The following CAV1 variants were observed in gnomAD, a reference collection of about 807,000 sequenced individuals.
The protein encoded by CAV1 is caveolin 1, also known as caveolin-1.
In CAV1, 10 loss-of-function variants were observed where a neutral mutation model predicts 16.5. The observed-to-expected ratio is 0.61, with a 90% CI of 0.37 to 1.03. The LOEUF (loss-of-function observed/expected upper bound fraction) is 1.03. Ranked by LOEUF, CAV1 falls within the 50% of genes least tolerant of loss-of-function variation. The probability of loss-of-function intolerance (pLI) is 0.01; values close to 1 mark genes in which losing one functional copy is unlikely to be tolerated. For synonymous variants in CAV1, 76 were observed against 85.1 expected (o/e 0.89, Z 0.59); for missense variants, 212 against 232.8 (o/e 0.91, Z 0.58).
intron 1 of CAV1, chr7:116,526,246 C>A: frequency 8.4e-7 from 1 of 1,189,090 alleles, no homozygotes; most frequent in Non-Finnish European, 1.1e-6. Context: ...CGCGGCGGGG[C>A]CTGCCCTGAC....
At chr7:116,549,271 C>T (rs888219705) in intron 2 of CAV1, among the ~76,000 whole-genome samples, 7 of 152,156 alleles carry the variant, frequency 4.6e-5, no homozygotes, top group African/African-American at 9.7e-5. Flanking sequence ...TATTCCAGTG[C>T]GTGTCCACCA....
chr7:116,533,559 T>C (rs906558970), intron 2 of CAV1, among the ~76,000 whole-genome samples: 5 of 152,250 alleles, frequency 3.3e-5, no homozygotes, highest in Non-Finnish European at 1.5e-5. Flanking sequence ...CTCAACCTCC[T>C]GGGCTCAAGC....
intron 2 of CAV1, among the ~76,000 whole-genome samples, chr7:116,545,456 C>T (rs532521969): frequency 1.3e-5 from 2 of 152,322 alleles, no homozygotes; most frequent in African/African-American, 4.8e-5. Context: ...TTTGCAAGAA[C>T]CCTAGTGTGT....
At chr7:116,532,993 G>A (rs1354774826) in intron 2 of CAV1, among the ~76,000 whole-genome samples, 2 of 152,118 alleles carry the variant, frequency 1.3e-5, no homozygotes, top group African/African-American at 2.4e-5. Context: ...AGTAGTCCAC[G>A]AGATTTGAGC....
At chr7:116,550,425 G>C (rs574246365) in intron 2 of CAV1, among the ~76,000 whole-genome samples, 11 of 152,276 alleles carry the variant, frequency 7.2e-5, no homozygotes, top group African/African-American at 2.4e-4. Context: ...GTCAACACAG[G>C]CATCTACAGT....
chr7:116,558,203 A>G (rs1794331102), intron 2 of CAV1, among the ~76,000 whole-genome samples: 1 of 152,188 alleles, frequency 6.6e-6, no homozygotes, highest in East Asian at 1.9e-4. Context: ...ACTGCCCCTT[A>G]ACATTGCATG....
intron 2 of CAV1, among the ~76,000 whole-genome samples, chr7:116,541,239 G>A (rs1379805581): frequency 1.3e-5 from 2 of 152,120 alleles, no homozygotes; most frequent in African/African-American, 4.8e-5. Context: ...AAAAGGAAAG[G>A]AATAAGGAGC....
intron 2 of CAV1, among the ~76,000 whole-genome samples, chr7:116,531,290 G>A (rs1793681926): frequency 6.6e-6 from 1 of 152,180 alleles, no homozygotes; most frequent in Non-Finnish European, 1.5e-5. Flanking sequence ...GACAAATCAG[G>A]ATATCTGAAA....
intron 1 of CAV1, chr7:116,525,972 G>A (rs907658458): frequency 2.4e-4 from 83 of 340,364 alleles, no homozygotes; most frequent in Non-Finnish European, 2.6e-4. Flanking sequence ...GGGGGATGCG[G>A]CCAAGAAGCA....
intron 2 of CAV1, among the ~76,000 whole-genome samples, chr7:116,544,265 A>T (rs1011304773): frequency 2.0e-5 from 3 of 152,228 alleles, no homozygotes; most frequent in Non-Finnish European, 4.4e-5. Context: ...ACGCCAGATA[A>T]TAACACATTC....
chr7:116,545,733 G>A (rs1794031746), intron 2 of CAV1, among the ~76,000 whole-genome samples: 1 of 152,158 alleles, frequency 6.6e-6, no homozygotes, highest in African/African-American at 2.4e-5. Flanking sequence ...CAGACCAATG[G>A]GTAGACTGAA....
intron 2 of CAV1, among the ~76,000 whole-genome samples, chr7:116,537,740 C>G (rs1297717433): frequency 2.6e-5 from 4 of 152,130 alleles, no homozygotes; most frequent in African/African-American, 9.7e-5. Flanking sequence ...AGTGACAGGT[C>G]TGAGCTTCTA....
intron 2 of CAV1, among the ~76,000 whole-genome samples, chr7:116,536,822 T>C (rs1793826303): frequency 6.6e-6 from 1 of 151,334 alleles, no homozygotes; most frequent in African/African-American, 2.4e-5. Context: ...GCTAACAAGG[T>C]GAAACCCCGT....
chr7:116,527,371 T>A (rs1793586881), intron 2 of CAV1, among the ~76,000 whole-genome samples: 1 of 152,210 alleles, frequency 6.6e-6, no homozygotes, highest in East Asian at 1.9e-4. Context: ...TGCACTTAGA[T>A]GTGGAAAGCT....
At chr7:116,545,422 G>A (rs1794026330) in intron 2 of CAV1, among the ~76,000 whole-genome samples, 1 of 152,084 alleles carries the variant, frequency 6.6e-6, no homozygotes, top group African/African-American at 2.4e-5. Context: ...CTGTATAATG[G>A]GCTGTAATTA....
intron 2 of CAV1, among the ~76,000 whole-genome samples, chr7:116,532,862 G>A (rs968047357): frequency 2.6e-5 from 4 of 152,160 alleles, no homozygotes; most frequent in African/African-American, 4.8e-5. Flanking sequence ...ATCAGGTGTG[G>A]TTTCAGCATA....
chr7:116,555,224 C>T (rs1794234061), intron 2 of CAV1, among the ~76,000 whole-genome samples: 1 of 151,926 alleles, frequency 6.6e-6, no homozygotes, highest in South Asian at 2.1e-4. Context: ...AGGAGAACTG[C>T]TTGAGCTCAG....
chr7:116,527,942 C>CTT (rs1164466822), intron 2 of CAV1, among the ~76,000 whole-genome samples: 1 of 152,088 alleles, frequency 6.6e-6, no homozygotes, highest in African/African-American at 2.4e-5. Context: ...GCATTTGCAG[C>CTT]TTTTTTTGAC....
At chr7:116,544,137 A>C (rs143941370) in intron 2 of CAV1, among the ~76,000 whole-genome samples, 108 of 152,282 alleles carry the variant, frequency 7.1e-4, no homozygotes, top group Middle Eastern at 3.4e-3. Context: ...TTTTAACTCA[A>C]ATTTCATGAT....
Sources: allele counts gnomAD v4.1 joint callset (sites outside exome capture counted in the v4.1 genomes callset), GRCh38; gene constraint gnomAD v4.1.1; transcripts MANE v1.5; gene names NCBI Gene and HGNC (gene_info 2026-07-23, HGNC 2026-07-21).